The following ZFAND6 variants were observed in gnomAD, a reference collection of about 807,000 sequenced individuals.
ZFAND6 encodes AN1-type zinc finger protein 6.
ZFAND6 carries 12 observed loss-of-function variants against 24.5 expected under a neutral mutation model. That is an observed-to-expected ratio of 0.49 (90% CI 0.31 to 0.79). The LOEUF (loss-of-function observed/expected upper bound fraction) is 0.79, where lower values mean the gene tolerates loss of function less well. Among genes scored for constraint, ZFAND6 ranks in the 30% least tolerant of loss-of-function variants. The pLI is 0.04. For missense variants in ZFAND6, 207 were observed against 245.9 expected (o/e 0.84, Z 1.06); for synonymous variants, 92 against 81.5 (o/e 1.13, Z -0.69).
chr15:80,119,825 A>G (rs1055063088), intron 2 of ZFAND6, among the ~76,000 whole-genome samples: 1 of 152,212 alleles, frequency 6.6e-6, no homozygotes, highest in African/African-American at 2.4e-5. Context: ...TCATTTTACA[A>G]GCATTCAGCC....
chr15:80,088,879 T>TA (rs1288919788), intron 1 of ZFAND6, among the ~76,000 whole-genome samples: 1 of 152,184 alleles, frequency 6.6e-6, no homozygotes, highest in African/African-American at 2.4e-5. Flanking sequence ...GGTGGCTACT[T>TA]AATATATTGG....
At chr15:80,081,269 T>C (rs2037649483) in intron 1 of ZFAND6, among the ~76,000 whole-genome samples, 1 of 152,210 alleles carries the variant, frequency 6.6e-6, no homozygotes, top group Non-Finnish European at 1.5e-5. Context: ...ATAGTCAGAC[T>C]AGTTACACAG....
At chr15:80,071,839 G>C (rs887346419) in intron 1 of ZFAND6, among the ~76,000 whole-genome samples, 5 of 151,716 alleles carry the variant, frequency 3.3e-5, no homozygotes, top group South Asian at 4.2e-4. Context: ...TTAGATATCT[G>C]TTTGCCAATG....
intron 2 of ZFAND6, among the ~76,000 whole-genome samples, chr15:80,101,042 GGTAGCA>G (rs2038999495): frequency 2.0e-5 from 3 of 152,096 alleles, no homozygotes; most frequent in Non-Finnish European, 4.4e-5. Flanking sequence ...AGGAATACTA[GGTAGCA>G]TATTATAAAT....
rs2040932272 is a variant in ZFAND6 at position 80,137,877 on chromosome 15, A to G, written c.*249A>G. The G allele has an allele frequency of 3.3e-6, 1 of 306,076 alleles. No individual in the cohort carries two copies. Among genetic ancestry groups the G allele is most frequent in the Admixed American group, 5.2e-5 (1 of 19,138 alleles). The allele number at this position is 306,076 out of a possible 1,614,324, so 19.0% of individuals were successfully genotyped here. On this transcript the variant is annotated 3_prime_UTR_variant, in exon 7 of 7. Transcript: ENST00000261749. ...TCATTTTAATTTTAGTTGAGTGCAG[A>G]GGGCTTTTATAACAAACGTGCAGAA...
chr15:80,130,127 T>G (rs912856464), intron 5 of ZFAND6: 4 of 152,184 alleles, frequency 2.6e-5, no homozygotes, highest in African/African-American at 9.7e-5. Flanking sequence ...GGCAGATGAT[T>G]GGATGCAATG....
At chr15:80,124,794 C>T (rs1332799470) in intron 5 of ZFAND6, among the ~76,000 whole-genome samples, 1 of 152,052 alleles carries the variant, frequency 6.6e-6, no homozygotes, top group Non-Finnish European at 1.5e-5. Context: ...GTAATATCAG[C>T]AGCAAATCTT....
chr15:80,094,370 C>G (rs1211212791), intron 1 of ZFAND6, among the ~76,000 whole-genome samples: 6 of 152,122 alleles, frequency 3.9e-5, no homozygotes, highest in African/African-American at 1.4e-4. Context: ...CTCTTGAGAA[C>G]TGCTCATGAG....
chr15:80,086,249 G>A (rs1596229027), intron 1 of ZFAND6, among the ~76,000 whole-genome samples: 1 of 151,970 alleles, frequency 6.6e-6, no homozygotes, highest in South Asian at 2.1e-4. Flanking sequence ...TGTTGGTCAG[G>A]CTGGTCTCAA....
chr15:80,122,573 A>T (rs941444613), intron 4 of ZFAND6, 127 bp from the exon 5 acceptor site: 52 of 582,652 alleles, frequency 8.9e-5, no homozygotes, highest in African/African-American at 3.4e-4. Context: ...TTAAGTTATT[A>T]AAAAAAAGTA....
At chr15:80,070,591 G>A (rs2036920939) in intron 1 of ZFAND6, among the ~76,000 whole-genome samples, 3 of 152,146 alleles carry the variant, frequency 2.0e-5, no homozygotes, top group Admixed American at 2.0e-4. Flanking sequence ...ATCTTAAAAT[G>A]ATCCGGAATC....
chr15:80,069,239 A>G (rs551152510), intron 1 of ZFAND6, among the ~76,000 whole-genome samples: 1 of 152,334 alleles, frequency 6.6e-6, no homozygotes, highest in Admixed American at 6.5e-5. Context: ...TGGCACATGA[A>G]AATTTATGAC....
At chr15:80,062,675 G>A (rs2036398009) in intron 1 of ZFAND6, among the ~76,000 whole-genome samples, 1 of 152,170 alleles carries the variant, frequency 6.6e-6, no homozygotes, top group Non-Finnish European at 1.5e-5. Context: ...TGGTAGGGCT[G>A]TATTCTGCTT....
At chr15:80,059,403 A>G (rs2036200851), upstream of ZFAND6, among the ~76,000 whole-genome samples, 2 of 152,206 alleles carry the variant, frequency 1.3e-5, no homozygotes, top group Non-Finnish European at 2.9e-5. Context: ...GAAGCGCCCC[A>G]GAGAGGGCAG....
intron 1 of ZFAND6, among the ~76,000 whole-genome samples, chr15:80,089,844 T>G (rs1016394610): frequency 1.3e-5 from 2 of 152,172 alleles, no homozygotes; most frequent in Non-Finnish European, 2.9e-5. Context: ...CTCTCCACCC[T>G]TCTAGGTATT....
intron 5 of ZFAND6, among the ~76,000 whole-genome samples, chr15:80,123,749 C>T (rs903967849): frequency 3.3e-5 from 5 of 152,198 alleles, no homozygotes; most frequent in African/African-American, 7.2e-5. Flanking sequence ...CGGCACATAC[C>T]TGTAGTCACA....
Position 80,121,748 on chromosome 15 carries a change from T to C in ZFAND6, c.191T>C (p.Val64Ala), listed in dbSNP as rs998789354. 6.2e-7 allele frequency: 1 copy of C among 1,613,810 alleles called. No individual in the cohort carries two copies. The highest frequency in any genetic ancestry group is 8.5e-7 in the Non-Finnish European group (1 of 1,179,882). The stretch of plus-strand genomic sequence containing the variant: ...AGTAGTCTGTCTGAATCTTTACCAG[T>C]TCAATGCACAGATGGCAGTGTGCCA... ...SVSSLSESLP[V>A]QCTDGSVPEA... The change falls in exon 4 of 7, where the codon GTT (valine) becomes GCT (alanine). Residue 64 changes from valine to alanine, a missense_variant. Physicochemically the swap from Val to Ala is moderately conservative, Grantham distance 64. Coordinates refer to ENST00000261749, the MANE Select transcript of ZFAND6 (RefSeq NM_019006.4).
chr15:80,118,170 G>C (rs1380101083), intron 2 of ZFAND6, among the ~76,000 whole-genome samples: 2 of 152,108 alleles, frequency 1.3e-5, no homozygotes, highest in African/African-American at 4.8e-5. Flanking sequence ...TGCCCAGGCT[G>C]GAGTGTAGTG....
Position 80,121,750 on chromosome 15 carries a change from C to A in ZFAND6, c.193C>A (p.Gln65Lys). The change falls in exon 4 of 7, where the codon CAA becomes AAA. Residue 65 changes from glutamine to lysine, a missense_variant. Physicochemically the swap from Gln to Lys is moderately conservative, Grantham distance 53. Coordinates refer to ENST00000261749, the MANE Select transcript of ZFAND6 (RefSeq NM_019006.4). The stretch of plus-strand genomic sequence containing the variant: ...TAGTCTGTCTGAATCTTTACCAGTT[C>A]AATGCACAGATGGCAGTGTGCCAGA... ...VSSLSESLPVQCTDGSVPEAQ... is the reference protein window; with the variant it reads ...VSSLSESLPVKCTDGSVPEAQ... 6.2e-7 allele frequency: 1 copy of A among 1,613,884 alleles called. No homozygotes were observed. Among genetic ancestry groups the A allele is most frequent in the Non-Finnish European group, 8.5e-7 (1 of 1,179,878 alleles).
Sources: allele counts gnomAD v4.1 joint callset (sites outside exome capture counted in the v4.1 genomes callset), GRCh38; gene constraint gnomAD v4.1.1; transcripts MANE v1.5; gene names NCBI Gene and HGNC (gene_info 2026-07-23, HGNC 2026-07-21).